The following MAP4K5 variants were observed in gnomAD, a reference collection of about 807,000 sequenced individuals.
MAP4K5 encodes the protein mitogen-activated protein kinase kinase kinase kinase 5.
Under a neutral mutation model 135.6 loss-of-function variants are expected in MAP4K5, and 82 were observed. The ratio of observed to expected loss-of-function variants is 0.60; its 90% CI spans 0.51 to 0.73. MAP4K5 has a LOEUF of 0.73. Among genes scored for constraint, MAP4K5 ranks in the 30% least tolerant of loss-of-function variants. The pLI, the probability that MAP4K5 is intolerant of heterozygous loss-of-function variation, is 0.00. For synonymous variants in MAP4K5, 347 were observed against 335.0 expected (o/e 1.04, Z -0.39); for missense variants, 907 against 1,010.9 (o/e 0.90, Z 1.39).
chr14:50,470,463 T>C (rs74535991), intron 9 of MAP4K5, among the ~76,000 whole-genome samples: 5,283 of 152,254 alleles, frequency 0.035, 94 homozygotes, highest in Middle Eastern at 0.058. Context: ...GGCAATCCTA[T>C]AGGTTATCTA....
rs190370655 is a variant in MAP4K5, at chr14:50,481,273, A to G, written c.378+1088T>C. Among the ~76,000 whole-genome samples the G allele has an allele frequency of 7.6e-4, 115 of 150,454 alleles. 3 individuals carry two copies. The highest frequency in any genetic ancestry group is 9.7e-4 in the East Asian group (5 of 5,160). On this transcript the variant is annotated intron_variant, in intron 6 of 32. Coordinates refer to ENST00000682126, the MANE Select transcript of MAP4K5 (RefSeq NM_006575.6). ...GGAATATACACACACATACGTACAT[A>G]CATATATATTACACATCTCTATATA...
In MAP4K5 at chr14:50,456,593, G is replaced by A; in HGVS notation, c.938C>T (p.Pro313Leu). The change falls in exon 14 of 33, where the codon CCC (proline) becomes CTC (leucine). Residue 313 changes from proline (P) to leucine (L), a missense_variant and splice_region_variant. Physicochemically the swap from Pro to Leu is moderately conservative, Grantham distance 98. Coordinates refer to ENST00000682126, the MANE Select transcript of MAP4K5 (RefSeq NM_006575.6). Reference sequence around the variant, plus strand: ...AATGGTATGACGAATGATTGCATGGGGCTGTGAATATAAGCATAATATATA... The same window carrying A: ...AATGGTATGACGAATGATTGCATGGAGCTGTGAATATAAGCATAATATATA... Reference protein sequence around the residue: ...YTEADDDDFEPHAIIRHTIRS... With the variant: ...YTEADDDDFELHAIIRHTIRS... 1 of 1,561,526 alleles carries A rather than the reference G, an allele frequency of 6.4e-7. No homozygotes were observed. Among genetic ancestry groups the A allele is most frequent in the African/African-American group, 1.4e-5 (1 of 73,584 alleles).
intron 2 of MAP4K5, among the ~76,000 whole-genome samples, chr14:50,526,643 T>A (rs1463076363): frequency 1.3e-5 from 2 of 152,212 alleles, no homozygotes; most frequent in Non-Finnish European, 2.9e-5. Context: ...GACAGTGTAC[T>A]TCATCTCATG....
chr14:50,445,630 C>G (rs1595445818), intron 17 of MAP4K5, among the ~76,000 whole-genome samples: 1 of 152,264 alleles, frequency 6.6e-6, no homozygotes, highest in East Asian at 1.9e-4. Flanking sequence ...AGTGCAGTGG[C>G]ACGATCTCAG....
rs569765110 is a variant in MAP4K5 at position 50,546,913 on chromosome 14, G to A, written c.-179-4329C>T. On this transcript the variant is annotated intron_variant, in intron 1 of 8. Coordinates refer to the MAP4K5 transcript ENST00000555216. ...GCAGGTTTGTTACATAGGCATACACGTGCCATAGTGGTTTGCTGCACCCAT... is the reference window on the plus strand; with the variant it reads ...GCAGGTTTGTTACATAGGCATACACATGCCATAGTGGTTTGCTGCACCCAT... Among the ~76,000 whole-genome samples, 42 of 152,116 alleles carry A rather than the reference G, an allele frequency of 2.8e-4. 1 individual carries two copies. The highest frequency in any genetic ancestry group is 2.4e-3 in the Admixed American group (36 of 15,280).
chr14:50,480,760 A>G (rs1440159799), intron 6 of MAP4K5, among the ~76,000 whole-genome samples: 26 of 152,178 alleles, frequency 1.7e-4, no homozygotes, highest in Admixed American at 1.7e-3. Flanking sequence ...ATATACACAT[A>G]GCCTACTAAA....
At chr14:50,544,587 A>T (rs1365136829) in intron 1 of MAP4K5, among the ~76,000 whole-genome samples, 1 of 152,140 alleles carries the variant, frequency 6.6e-6, no homozygotes, top group Non-Finnish European at 1.5e-5. Context: ...TCTGCTTCTG[A>T]TGTGACTAGA....
At chr14:50,544,441 A>G (rs2038602676) in intron 1 of MAP4K5, among the ~76,000 whole-genome samples, 1 of 152,168 alleles carries the variant, frequency 6.6e-6, no homozygotes, top group Non-Finnish European at 1.5e-5. Context: ...TATTAAAGGA[A>G]TGGTTTAGGC....
At chr14:50,437,748 G>T in intron 25 of MAP4K5, 146 bp downstream of exon 25, 1 of 664,336 alleles carries the variant, frequency 1.5e-6, no homozygotes, top group Non-Finnish European at 2.6e-6. Flanking sequence ...TTCAGAAAAC[G>T]TTCAGCTTTT....
chr14:50,474,784 A>G (rs529528903), intron 9 of MAP4K5, among the ~76,000 whole-genome samples: 1 of 152,346 alleles, frequency 6.6e-6, no homozygotes, highest in Admixed American at 6.5e-5. Flanking sequence ...AGAATGCCAG[A>G]AGAAAGGGTA....
At chr14:50,507,781 T>C (rs1050828194) in intron 2 of MAP4K5, among the ~76,000 whole-genome samples, 2 of 152,146 alleles carry the variant, frequency 1.3e-5, no homozygotes, top group Non-Finnish European at 2.9e-5. Flanking sequence ...TGTGGTCAGT[T>C]TTGGAATAAG....
At chr14:50,557,550 A>G (rs2038779309) in intron 1 of MAP4K5, among the ~76,000 whole-genome samples, 1 of 152,088 alleles carries the variant, frequency 6.6e-6, no homozygotes, top group African/African-American at 2.4e-5. Context: ...ATAACATTCT[A>G]TTGCGTATAT....
rs2036736589 is a variant in MAP4K5, at chr14:50,462,647, C to G, written c.936+18G>C. 6.5e-7 allele frequency: 1 copy of G among 1,533,594 alleles called. No individual in the cohort carries two copies. Among genetic ancestry groups the G allele is most frequent in the South Asian group, 1.2e-5 (1 of 86,030 alleles). The allele number at this position is 1,533,594 out of a possible 1,614,324, so 95.0% of individuals were successfully genotyped here. A position where few individuals can be genotyped will look rare whatever the true frequency, so the allele number is the denominator to read the frequency against. The stretch of plus-strand genomic sequence containing the variant: ...AAAACATTTATTTTCAACTATGAGA[C>G]TGCAAACACTTCCTTACCTCAAAGT... On this transcript the variant is annotated intron_variant, in intron 13 of 32. Coordinates refer to ENST00000682126, the MANE Select transcript of MAP4K5 (RefSeq NM_006575.6).
intron 2 of MAP4K5, among the ~76,000 whole-genome samples, chr14:50,527,973 C>G (rs1253047768): frequency 6.6e-6 from 1 of 152,104 alleles, no homozygotes; most frequent in Admixed American, 6.6e-5. Flanking sequence ...TGAACTGTAT[C>G]ATGATGCTGT....
At chr14:50,422,997 G>T (rs1311267983) in intron 32 of MAP4K5, 124 bp downstream of exon 32, 4 of 508,314 alleles carry the variant, frequency 7.9e-6, no homozygotes, top group African/African-American at 5.8e-5. Context: ...AAGACACAGA[G>T]AAATGTATCT....
At chr14:50,523,555 C>T (rs2038195299) in intron 2 of MAP4K5, among the ~76,000 whole-genome samples, 1 of 152,178 alleles carries the variant, frequency 6.6e-6, no homozygotes, top group Admixed American at 6.5e-5. Context: ...CTAACCTTTT[C>T]AATGAGGCCT....
At chr14:50,509,945 C>G (rs1227368336) in intron 2 of MAP4K5, among the ~76,000 whole-genome samples, 1 of 152,144 alleles carries the variant, frequency 6.6e-6, no homozygotes, top group Non-Finnish European at 1.5e-5. Flanking sequence ...AAGAAAGTTA[C>G]AAAAGTACAC....
chr14:50,434,416 T>G lies in MAP4K5; in HGVS notation c.2142A>C (p.Ser714=). ...FETINLNSAS[S]WFTEIGAGSQ... Reference sequence around the variant, plus strand: ...TACCTGCACCAATTTCTGTAAACCATGAAGATGCAGAGTTCAAATTGATTG... The same window carrying G: ...TACCTGCACCAATTTCTGTAAACCAGGAAGATGCAGAGTTCAAATTGATTG... Residue 714 remains serine, a synonymous_variant, in exon 28 of 33, where the codon TCA becomes TCC. Coordinates refer to ENST00000682126, the MANE Select transcript of MAP4K5 (RefSeq NM_006575.6). 7 of 1,607,336 alleles carry G rather than the reference T, an allele frequency of 4.4e-6. No homozygotes were observed. Among genetic ancestry groups the G allele is most frequent in the Non-Finnish European group, 5.9e-6 (7 of 1,176,998 alleles).
intron 3 of MAP4K5, among the ~76,000 whole-genome samples, chr14:50,498,422 G>C (rs1035957733): frequency 6.6e-5 from 10 of 152,092 alleles, no homozygotes; most frequent in Non-Finnish European, 2.9e-5. Flanking sequence ...TATATACAAA[G>C]AGCAACAAGA....
Sources: allele counts gnomAD v4.1 joint callset (sites outside exome capture counted in the v4.1 genomes callset), GRCh38; gene constraint gnomAD v4.1.1; transcripts MANE v1.5; gene names NCBI Gene and HGNC (gene_info 2026-07-23, HGNC 2026-07-21).